Variants in NIPBL observed in about 807,000 individuals in gnomAD.
The protein encoded by NIPBL is nipped-B-like protein.
NIPBL carries 19 observed loss-of-function variants against 321.8 expected under a neutral mutation model. The ratio of observed to expected loss-of-function variants is 0.06; its 90% CI spans 0.04 to 0.09. The LOEUF (loss-of-function observed/expected upper bound fraction) is 0.09. Among genes scored for constraint, NIPBL ranks in the 10% least tolerant of loss-of-function variants. NIPBL has a pLI of 1.00. For synonymous variants in NIPBL, 1,106 were observed against 1,114.1 expected, an observed-to-expected ratio of 0.99 and a Z score of 0.14; for missense variants, 2,210 against 3,327.0, an observed-to-expected ratio of 0.66 and a Z score of 8.26.
At chr5:37,060,130 C>T (rs1005110135) in intron 44 of NIPBL, among the ~76,000 whole-genome samples, 7 of 152,132 alleles carry the variant, frequency 4.6e-5, no homozygotes, top group African/African-American at 1.7e-4. Context: ...CATAATGTGG[C>T]TAGAGCTCCC....
intron 16 of NIPBL, among the ~76,000 whole-genome samples, chr5:37,004,947 G>T (rs537657406): frequency 6.6e-6 from 1 of 152,284 alleles, no homozygotes; most frequent in South Asian, 2.1e-4. Flanking sequence ...CCACAGGATT[G>T]CTAGGGGATC....
chr5:36,953,648 G>A lies in NIPBL; in HGVS notation c.-49G>A. 6.9e-7 allele frequency: 1 copy of A among 1,456,606 alleles called. No homozygotes were observed. Among genetic ancestry groups the A allele is most frequent in the Non-Finnish European group, 9.6e-7 (1 of 1,036,324 alleles). 90.2% of individuals were successfully genotyped at this position (1,456,606 alleles called of 1,614,324 possible). On this transcript the variant is annotated 5_prime_UTR_variant, in exon 2 of 47. It introduces an in-frame stop codon into an upstream open reading frame of the 5' UTR. Coordinates refer to ENST00000282516, the MANE Select transcript of NIPBL (RefSeq NM_133433.4). ...GGGAAATGGGAAGTAATGACAGCTG[G>A]CACCTGAACTAAGTACTTTTATAGG...
At chr5:36,987,141 A>C (rs892103664) in intron 10 of NIPBL, among the ~76,000 whole-genome samples, 1 of 152,128 alleles carries the variant, frequency 6.6e-6, no homozygotes, top group Admixed American at 6.5e-5. Context: ...CAGCCTCCCA[A>C]AGTGCTGGGA....
intron 1 of NIPBL, among the ~76,000 whole-genome samples, chr5:36,931,780 C>G (rs1313692145): frequency 3.5e-5 from 2 of 57,088 alleles, no homozygotes; most frequent in Non-Finnish European, 6.4e-5. Flanking sequence ...ATTCGTATGT[C>G]TCTGGTTTTT....
intron 41 of NIPBL, 114 bp from the exon 42 acceptor site, chr5:37,052,252 T>C (rs888875082): frequency 2.1e-5 from 17 of 803,080 alleles, no homozygotes; most frequent in Admixed American, 4.3e-5. Context: ...TGATTCGTAT[T>C]ATTTTAATTA....
chr5:37,030,159 C>CT (rs1750801637), intron 32 of NIPBL, among the ~76,000 whole-genome samples: 1 of 152,166 alleles, frequency 6.6e-6, no homozygotes, highest in South Asian at 2.1e-4. Flanking sequence ...GATTTATACT[C>CT]TCTTAACAAT....
rs1740649844 is a variant in NIPBL at position 36,953,732 on chromosome 5, T to C, written c.36T>C (p.Thr12=). 2 of 1,613,890 alleles carry C rather than the reference T, an allele frequency of 1.2e-6. No individual in the cohort carries two copies. The highest frequency in any genetic ancestry group is 4.5e-5 in the East Asian group (2 of 44,858). Residue 12 remains threonine (T), a synonymous_variant, in exon 2 of 47, where the codon ACT becomes ACC. Coordinates refer to ENST00000282516, the MANE Select transcript of NIPBL (RefSeq NM_133433.4). ...NGDMPHVPIT[T]LAGIASLTDL... The stretch of plus-strand genomic sequence containing the variant: ...ATATGCCCCATGTCCCCATTACTAC[T>C]CTTGCGGGGATTGCTAGTCTCACAG...
intron 32 of NIPBL, among the ~76,000 whole-genome samples, chr5:37,034,619 G>GACT (rs1457437826): frequency 6.6e-6 from 1 of 152,068 alleles, no homozygotes; most frequent in Non-Finnish European, 1.5e-5. Context: ...AATCTCAGAA[G>GACT]ACTACATCAA....
chr5:37,023,428 A>G (rs184709846), intron 29 of NIPBL, among the ~76,000 whole-genome samples: 2 of 152,294 alleles, frequency 1.3e-5, no homozygotes, highest in African/African-American at 2.4e-5. Flanking sequence ...TTTGTTAAAG[A>G]AAAATAGTAC....
intron 34 of NIPBL, among the ~76,000 whole-genome samples, chr5:37,041,549 G>A (rs894528573): frequency 6.6e-6 from 1 of 151,366 alleles, no homozygotes; most frequent in Non-Finnish European, 1.5e-5. Context: ...ACAGGCATGA[G>A]CCACTGTGCC....
At chr5:37,060,496 A>G (rs1458061714) in intron 44 of NIPBL, among the ~76,000 whole-genome samples, 1 of 152,222 alleles carries the variant, frequency 6.6e-6, no homozygotes, top group African/African-American at 2.4e-5. Context: ...AAATGTTGGC[A>G]AGATGCAAAA....
rs950669242 is a variant in NIPBL, at chr5:36,977,270, T to C, written c.1495+868T>C. 1.5e-4 allele frequency among the ~76,000 whole-genome samples: 23 copies of C among 151,988 alleles called. 1 individual carries two copies. Among genetic ancestry groups the C allele is most frequent in the African/African-American group, 4.6e-4 (19 of 41,414 alleles). On this transcript the variant is annotated intron_variant, in intron 9 of 46. Transcript: ENST00000282516. ...AATTTTATGATTAAAATATTTTAGG[T>C]TGATTTTCAGTTCTTATATTTTATT...
intron 1 of NIPBL, among the ~76,000 whole-genome samples, chr5:36,896,067 T>TA (rs1300684429): frequency 8.4e-6 from 1 of 119,238 alleles, no homozygotes; most frequent in Non-Finnish European, 1.8e-5. Flanking sequence ...TTTTAGCACT[T>TA]ACATTTAATA....
Position 36,979,751 on chromosome 5 carries a change from T to C in NIPBL, c.1495+3349T>C, listed in dbSNP as rs1743924726. Among the ~76,000 whole-genome samples the C allele has an allele frequency of 2.6e-5, 4 of 151,876 alleles. No homozygotes were observed. The South Asian group carries it at 8.3e-4, about 31-fold the overall frequency. Reference sequence around the variant, plus strand: ...TTATATCTCTTCCTCTAACCTGTTATAAAAGTATACGCATATCAAATGAAA... The same window carrying C: ...TTATATCTCTTCCTCTAACCTGTTACAAAAGTATACGCATATCAAATGAAA... On this transcript the variant is annotated intron_variant, in intron 9 of 46. Coordinates refer to ENST00000282516, the MANE Select transcript of NIPBL (RefSeq NM_133433.4).
In NIPBL at chr5:37,064,857, T is replaced by A; in HGVS notation, c.8380T>A (p.Ser2794Thr). 1 of 1,614,154 alleles carries A rather than the reference T, an allele frequency of 6.2e-7. No individual in the cohort carries two copies. The change falls in exon 47 of 47, where the codon TCC becomes ACC. Residue 2794 changes from serine to threonine, a missense_variant. By Grantham distance (58) the Ser-to-Thr change is moderately conservative. Coordinates refer to ENST00000282516, the MANE Select transcript of NIPBL (RefSeq NM_133433.4). ...LTNKVVQTLRSLYAAKDGTSS is the reference protein window; with the variant it reads ...LTNKVVQTLRTLYAAKDGTSS ...TAATAAAGTTGTTCAGACTTTACGA[T>A]CCCTGTATGCCGCCAAGGATGGGAC...
In NIPBL at chr5:37,020,538, A is replaced by G; in HGVS notation, c.5090A>G (p.Asp1697Gly). 1 of 1,614,024 alleles carries G rather than the reference A, an allele frequency of 6.2e-7. No individual in the cohort carries two copies. The highest frequency in any genetic ancestry group is 8.5e-7 in the Non-Finnish European group (1 of 1,179,916). ...ETEKAMKSQK[D>G]EESSEGTHHA... ...GAAAAAGCAATGAAATCACAAAAAG[A>G]TGAAGAATCATCTGAAGGAACACAT... Residue 1697 changes from aspartate to glycine, a missense_variant, in exon 26 of 47, where the codon GAT becomes GGT. Coordinates refer to ENST00000282516, the MANE Select transcript of NIPBL (RefSeq NM_133433.4).
At chr5:36,995,577 T>C in intron 10 of NIPBL, 45 bp from the exon 11 acceptor site, 2 of 1,436,448 alleles carry the variant, frequency 1.4e-6, no homozygotes, top group Non-Finnish European at 1.9e-6. Flanking sequence ...TTTCCTTTTA[T>C]CTTCAGATTT....
rs1746076024 is a variant in NIPBL at position 36,995,786 on chromosome 5, A to G, written c.3286A>G (p.Ser1096Gly). 2.5e-6 allele frequency: 4 copies of G among 1,613,316 alleles called. No homozygotes were observed. In the East Asian group the frequency reaches 8.9e-5, roughly 36 times the overall value. Reference protein sequence around the residue: ...AEISSDEDNDSDEAFESSRKR... With the variant: ...AEISSDEDNDGDEAFESSRKR... ...AATCAGTTCAGATGAAGATAATGAT[A>G]GTGATGAAGCTTTTGAATGTAAGTA... Residue 1096 changes from serine (S) to glycine (G), a missense_variant, in exon 11 of 47, where the codon AGT becomes GGT. By Grantham distance (56) the Ser-to-Gly change is moderately conservative. Transcript: ENST00000282516.
chr5:36,919,291 G>A (rs1411629580), intron 1 of NIPBL, among the ~76,000 whole-genome samples: 1 of 151,914 alleles, frequency 6.6e-6, no homozygotes, highest in East Asian at 1.9e-4. Context: ...ATAAAAGACT[G>A]CCCTTCCATA....
Sources: allele counts gnomAD v4.1 joint callset (sites outside exome capture counted in the v4.1 genomes callset), GRCh38; gene constraint gnomAD v4.1.1; transcripts MANE v1.5; gene names NCBI Gene and HGNC (gene_info 2026-07-23, HGNC 2026-07-21).